STK3: variants seen among roughly 807,000 people sequenced by gnomAD.
STK3 encodes serine/threonine kinase 3.
A neutral mutation model predicts 58.0 loss-of-function variants in STK3; 41 were observed. The observed-to-expected ratio is 0.71, with a 90% CI of 0.55 to 0.92. The LOEUF (loss-of-function observed/expected upper bound fraction) is 0.92. Ranked by LOEUF, STK3 falls within the 40% of genes least tolerant of loss-of-function variation. The pLI, the probability that STK3 is intolerant of heterozygous loss-of-function variation, is 0.00. For missense variants in STK3, 479 were observed against 602.7 expected, an observed-to-expected ratio of 0.79 and a Z score of 2.15; for synonymous variants, 170 against 191.0, an observed-to-expected ratio of 0.89 and a Z score of 0.91.
chr8:98,813,032 C>A (rs2515220), intron 1 of STK3, among the ~76,000 whole-genome samples: 41 of 149,374 alleles, frequency 2.7e-4, no homozygotes, highest in Admixed American at 2.6e-4. Flanking sequence ...ACTTAAAGCA[C>A]AATAAAAAAA....
chr8:98,344,612 G>C, the STK3 span, among the ~76,000 whole-genome samples: 1 of 149,546 alleles, frequency 6.7e-6, no homozygotes, highest in Non-Finnish European at 1.5e-5. Flanking sequence ...TGGGACCCTC[G>C]GCCGGGCGCG....
At chr8:98,347,865 CAA>C in the STK3 span, among the ~76,000 whole-genome samples, 1 of 151,668 alleles carries the variant, frequency 6.6e-6, no homozygotes, top group African/African-American at 2.4e-5. Flanking sequence ...CATCACAATT[CAA>C]AAAAAATTAA....
intron 7 of STK3, among the ~76,000 whole-genome samples, chr8:98,593,567 A>G (rs891627286): frequency 1.3e-5 from 2 of 152,204 alleles, no homozygotes; most frequent in Non-Finnish European, 2.9e-5. Context: ...CTGTCAGATC[A>G]GCAGTGGTAT....
At chr8:98,376,504 G>A (rs1045076107) in intron 2 of STK3, among the ~76,000 whole-genome samples, 7 of 143,302 alleles carry the variant, frequency 4.9e-5, no homozygotes, top group Non-Finnish European at 9.3e-5. Flanking sequence ...ACCCAAGGTC[G>A]CATAGATTTT....
intron 3 of STK3, among the ~76,000 whole-genome samples, chr8:98,858,323 T>TATATATATATAGAGAGAGAG (rs1189807446): frequency 3.1e-4 from 5 of 16,274 alleles, no homozygotes; most frequent in Admixed American, 1.1e-3. Flanking sequence ...TATATATATA[T>TATATATATATAGAGAGAGAG]AGAGAGAGAG....
chr8:98,773,822 G>C (rs1224540298), intron 2 of STK3, among the ~76,000 whole-genome samples: 1 of 151,214 alleles, frequency 6.6e-6, no homozygotes, highest in Admixed American at 6.6e-5. Flanking sequence ...TTGAGACGGA[G>C]CTTCGCTTGT....
chr8:98,806,883 G>A (rs1396468129), intron 1 of STK3, among the ~76,000 whole-genome samples: 3 of 152,132 alleles, frequency 2.0e-5, no homozygotes, highest in East Asian at 1.9e-4. Context: ...GGCTGAGCAC[G>A]GTGGCTCACG....
intron 3 of STK3, among the ~76,000 whole-genome samples, chr8:98,765,644 C>T (rs1169605080): frequency 6.6e-6 from 1 of 152,184 alleles, no homozygotes; most frequent in Non-Finnish European, 1.5e-5. Flanking sequence ...GGAATGTAGA[C>T]ATAAAGCTGG....
At chr8:98,529,515 C>T (rs1825996933) in intron 9 of STK3, among the ~76,000 whole-genome samples, 2 of 152,116 alleles carry the variant, frequency 1.3e-5, no homozygotes, top group African/African-American at 4.8e-5. Context: ...GTTTTATTGA[C>T]TTCACCTTAT....
chr8:98,506,418 C>G (rs922173643), intron 10 of STK3, among the ~76,000 whole-genome samples: 1 of 152,218 alleles, frequency 6.6e-6, no homozygotes, highest in East Asian at 1.9e-4. Context: ...ACTGTCCAAC[C>G]AGTCCCAGTG....
Position 98,924,528 on chromosome 8 carries a change from G to A in STK3, c.-79+17850C>T, listed in dbSNP as rs556637290. Among the ~76,000 whole-genome samples, 10 of 152,204 alleles carry A rather than the reference G, an allele frequency of 6.6e-5. No homozygotes were observed. The South Asian group carries it at 8.3e-4, about 13-fold the overall frequency. ...ACTATGCTCATCTTGCATCAACCTC[G>A]TAAGGAACCAATGGATTTCTTCCCA... On this transcript the variant is annotated intron_variant, in intron 1 of 1. Coordinates refer to the STK3 transcript ENST00000519420.
chr8:98,841,884 T>C (rs1360875745), intron 3 of STK3, among the ~76,000 whole-genome samples: 1 of 152,088 alleles, frequency 6.6e-6, no homozygotes, highest in East Asian at 1.9e-4. Context: ...GCTCTAACTT[T>C]AGTATGCATT....
At chr8:98,438,382 C>G (rs1818568368) in intron 1 of STK3, 1 of 152,184 alleles carries the variant, frequency 6.6e-6, no homozygotes, top group Admixed American at 6.5e-5. Context: ...GAGCTTGATG[C>G]CTAGAAACTG....
chr8:98,759,854 C>A (rs562103744), intron 3 of STK3, among the ~76,000 whole-genome samples: 2 of 152,140 alleles, frequency 1.3e-5, no homozygotes, highest in South Asian at 4.1e-4. Flanking sequence ...TCCAGGAACC[C>A]CACAGATACC....
chr8:98,409,348 C>G (rs967131664), intron 3 of STK3, among the ~76,000 whole-genome samples: 6 of 152,222 alleles, frequency 3.9e-5, no homozygotes, highest in African/African-American at 1.4e-4. Flanking sequence ...ATAACAGCAG[C>G]CCCTCTGGCT....
At chr8:98,922,798 T>A (rs1350293359) in intron 1 of STK3, among the ~76,000 whole-genome samples, 1 of 152,270 alleles carries the variant, frequency 6.6e-6, no homozygotes, top group Non-Finnish European at 1.5e-5. Flanking sequence ...TTGATTTATA[T>A]AAATTATGGT....
intron 9 of STK3, among the ~76,000 whole-genome samples, chr8:98,528,115 C>A (rs992771067): frequency 1.3e-5 from 2 of 152,116 alleles, no homozygotes; most frequent in Non-Finnish European, 2.9e-5. Flanking sequence ...ATCATTGCAA[C>A]TGTCTTAGTT....
chr8:98,418,006 C>A (rs1169738940), intron 3 of STK3, among the ~76,000 whole-genome samples: 1 of 152,108 alleles, frequency 6.6e-6, no homozygotes, highest in African/African-American at 2.4e-5. Flanking sequence ...AACTCCTGGG[C>A]TTAAGCAATC....
At position 98,481,908 on chromosome 8, in the gene STK3, T is replaced by C. The variant is rs554311222; in HGVS notation, c.1318-25908A>G. Among the ~76,000 whole-genome samples, 8 of 152,322 alleles carry C rather than the reference T, an allele frequency of 5.3e-5. No homozygotes were observed. The East Asian group carries it at 1.3e-3, about 26-fold the overall frequency. On this transcript the variant is annotated intron_variant, in intron 10 of 10. Coordinates refer to ENST00000419617, the MANE Select transcript of STK3 (RefSeq NM_006281.4). ...CTTTACTTGTCACTTAGTAACCTTCTATACTAAAAAAATTTAGTCATTGAA... is the reference window on the plus strand; with the variant it reads ...CTTTACTTGTCACTTAGTAACCTTCCATACTAAAAAAATTTAGTCATTGAA...
Sources: allele counts gnomAD v4.1 joint callset (sites outside exome capture counted in the v4.1 genomes callset), GRCh38; gene constraint gnomAD v4.1.1; transcripts MANE v1.5; gene names NCBI Gene and HGNC (gene_info 2026-07-23, HGNC 2026-07-21).